SWT1: variants seen among roughly 807,000 people sequenced by gnomAD.
SWT1 encodes the protein transcriptional protein SWT1.
Under a neutral mutation model 107.3 loss-of-function variants are expected in SWT1, and 33 were observed. The observed-to-expected ratio is 0.31, with a 90% confidence interval of 0.23 to 0.41. SWT1 has a LOEUF of 0.41. Ranked by LOEUF, SWT1 falls within the 10% of genes least tolerant of loss-of-function variation. The pLI, the probability that SWT1 is intolerant of heterozygous loss-of-function variation, is 1.00. For synonymous variants in SWT1, 345 were observed against 348.3 expected (o/e 0.99, Z 0.11); for missense variants, 898 against 1,028.9 (o/e 0.87, Z 1.74).
At chr1:185,180,618 A>T (rs1465974676) in intron 6 of SWT1, among the ~76,000 whole-genome samples, 168 bp downstream of exon 6, 1 of 152,188 alleles carries the variant, frequency 6.6e-6, no homozygotes, top group African/African-American at 2.4e-5. Context: ...CTATTCAGAA[A>T]AGTATACTTT....
Position 185,271,404 on chromosome 1 carries a change from T to A in SWT1, c.2508+15T>A. 7.9e-7 allele frequency: 1 copy of A among 1,267,944 alleles called. No individual in the cohort carries two copies. Among genetic ancestry groups the A allele is most frequent in the Non-Finnish European group, 1.1e-6 (1 of 874,620 alleles). The allele number at this position is 1,267,944 out of a possible 1,614,324, so 78.5% of individuals were successfully genotyped here. On this transcript the variant is annotated intron_variant, in intron 17 of 18. Transcript: ENST00000367500. ...TCAAGTATGAGGTATGGGAAATATTTTAAAATATTTATCACATTTCTACTT... is the reference window on the plus strand; with the variant it reads ...TCAAGTATGAGGTATGGGAAATATTATAAAATATTTATCACATTTCTACTT...
chr1:185,187,550 A>G (rs1373876699), intron 9 of SWT1, among the ~76,000 whole-genome samples: 1 of 152,178 alleles, frequency 6.6e-6, no homozygotes, highest in Non-Finnish European at 1.5e-5. Context: ...AGAAAGATAA[A>G]CCCTACTGTT....
intron 1 of SWT1, among the ~76,000 whole-genome samples, chr1:185,158,808 A>G (rs1653883433): frequency 6.6e-6 from 1 of 152,218 alleles, no homozygotes; most frequent in Non-Finnish European, 1.5e-5. Flanking sequence ...ACAACAGTAA[A>G]CATTTATTAC....
At chr1:185,255,961 T>C (rs1662473222) in intron 16 of SWT1, among the ~76,000 whole-genome samples, 2 of 151,940 alleles carry the variant, frequency 1.3e-5, no homozygotes, top group African/African-American at 4.8e-5. Context: ...CAGGAGCTCT[T>C]TTAGGGCAGG....
chr1:185,189,093 C>G (rs1656728229), intron 9 of SWT1, among the ~76,000 whole-genome samples: 1 of 152,166 alleles, frequency 6.6e-6, no homozygotes, highest in South Asian at 2.1e-4. Flanking sequence ...GTCCTCCCTC[C>G]TCGGCCTCCT....
At chr1:185,236,690 A>T (rs1228213102) in intron 16 of SWT1, among the ~76,000 whole-genome samples, 1 of 152,218 alleles carries the variant, frequency 6.6e-6, no homozygotes. Flanking sequence ...CACCCAAAGC[A>T]ATGGCAACAA....
chr1:185,261,306 A>G (rs909968141), intron 16 of SWT1, among the ~76,000 whole-genome samples: 3 of 152,126 alleles, frequency 2.0e-5, no homozygotes, highest in Non-Finnish European at 4.4e-5. Flanking sequence ...TGTTTTAAAT[A>G]TTCATCTATG....
intron 14 of SWT1, among the ~76,000 whole-genome samples, chr1:185,218,043 AG>A (rs567180767): frequency 1.2e-4 from 18 of 152,326 alleles, no homozygotes; most frequent in Non-Finnish European, 2.2e-4. Context: ...GTTGCCAAAA[AG>A]GTTGGGGACT....
intron 10 of SWT1, among the ~76,000 whole-genome samples, chr1:185,198,938 A>ATT (rs58426812): frequency 9.2e-5 from 12 of 129,890 alleles, no homozygotes; most frequent in South Asian, 2.4e-4. Flanking sequence ...GCTCGTTTAC[A>ATT]TTTTTTTTTT....
intron 18 of SWT1, among the ~76,000 whole-genome samples, chr1:185,284,408 C>A (rs1308250371): frequency 6.6e-6 from 1 of 152,202 alleles, no homozygotes; most frequent in African/African-American, 2.4e-5. Flanking sequence ...CTTTATCTGA[C>A]AAACTCAATG....
intron 16 of SWT1, among the ~76,000 whole-genome samples, chr1:185,243,288 T>G (rs1003776772): frequency 2.0e-5 from 3 of 152,122 alleles, no homozygotes; most frequent in African/African-American, 7.2e-5. Flanking sequence ...TTTTGTACTT[T>G]TTGTAGGGAC....
chr1:185,235,171 T>C (rs147666927), intron 16 of SWT1, among the ~76,000 whole-genome samples: 2,097 of 152,198 alleles, frequency 0.014, 49 homozygotes, highest in African/African-American at 0.048. Context: ...CTGAAACTAT[T>C]CCAAACAATA....
intron 16 of SWT1, among the ~76,000 whole-genome samples, chr1:185,258,294 C>T (rs1027800548): frequency 6.6e-6 from 1 of 152,216 alleles, no homozygotes; most frequent in South Asian, 2.1e-4. Context: ...CTTTCCTCTC[C>T]TTATTTTCTA....
chr1:185,207,431 A>G (rs1393030676), intron 13 of SWT1, among the ~76,000 whole-genome samples: 1 of 152,228 alleles, frequency 6.6e-6, no homozygotes, highest in East Asian at 1.9e-4. Context: ...AGCAGCTTTT[A>G]AAAATTTCTT....
intron 15 of SWT1, among the ~76,000 whole-genome samples, chr1:185,222,301 G>A (rs1427643479): frequency 6.6e-6 from 1 of 152,032 alleles, no homozygotes; most frequent in East Asian, 1.9e-4. Context: ...TTTTATGGAT[G>A]AAAAGTATTC....
chr1:185,166,125 A>G (rs1222743342), intron 2 of SWT1, among the ~76,000 whole-genome samples: 1 of 152,166 alleles, frequency 6.6e-6, no homozygotes, highest in African/African-American at 2.4e-5. Context: ...GACCTTCATG[A>G]AGAACTGTTA....
At chr1:185,182,185 A>T in intron 7 of SWT1, 128 bp downstream of exon 7, 1 of 941,210 alleles carries the variant, frequency 1.1e-6, no homozygotes. Context: ...ATGATAAAGT[A>T]ATAGTTTATT....
chr1:185,283,709 C>T (rs190012216), intron 18 of SWT1, among the ~76,000 whole-genome samples: 1 of 152,304 alleles, frequency 6.6e-6, no homozygotes, highest in East Asian at 1.9e-4. Context: ...ATCAGATGCA[C>T]CCCATCTCCG....
chr1:185,290,599 A>G (rs2378909), intron 18 of SWT1, 75 bp from the exon 19 acceptor site: 459,374 of 1,090,286 alleles, frequency 0.42, 98,300 homozygotes, highest in South Asian at 0.48. Context: ...ATTAAAATGT[A>G]AAATAAAATG....
Sources: allele counts gnomAD v4.1 joint callset (sites outside exome capture counted in the v4.1 genomes callset), GRCh38; gene constraint gnomAD v4.1.1; transcripts MANE v1.5; gene names NCBI Gene and HGNC (gene_info 2026-07-23, HGNC 2026-07-21).